NSD1: variants seen among roughly 807,000 people sequenced by gnomAD.
NSD1 encodes the protein nuclear receptor binding SET domain protein 1, also known as histone-lysine N-methyltransferase, H3 lysine-36 specific.
In NSD1, 26 loss-of-function variants were observed where a neutral mutation model predicts 242.7. The ratio of observed to expected loss-of-function variants is 0.11; its 90% CI spans 0.08 to 0.15. The LOEUF (loss-of-function observed/expected upper bound fraction) is 0.15, where lower values mean the gene tolerates loss of function less well. NSD1 is among the 10% of genes least tolerant of loss of function. The pLI is 1.00. For missense variants in NSD1, 2,495 were observed against 3,272.8 expected (o/e 0.76, Z 5.80); for synonymous variants, 1,106 against 1,178.1 (o/e 0.94, Z 1.25).
chr5:177,180,689 T>C (rs916105458), intron 2 of NSD1, among the ~76,000 whole-genome samples: 5 of 152,042 alleles, frequency 3.3e-5, no homozygotes, highest in Non-Finnish European at 7.4e-5. Flanking sequence ...ATTTTATTTA[T>C]TTGTTTATTT....
Position 177,191,933 on chromosome 5 carries a change from T to G in NSD1, c.977T>G (p.Leu326Arg). The G allele has an allele frequency of 6.2e-7, 1 of 1,614,162 alleles. No homozygotes were observed. The highest frequency in any genetic ancestry group is 8.5e-7 in the Non-Finnish European group (1 of 1,179,990). ...STPLKYEVGD[L>R]IWAKFKRRPW... ...CCACTGAAGTATGAAGTTGGAGATC[T>G]CATCTGGGCAAAATTCAAGAGACGC... Residue 326 changes from leucine (L) to arginine (R), a missense_variant, in exon 3 of 23, where the codon CTC becomes CGC. By Grantham distance (102) the Leu-to-Arg change is moderately radical. This residue lies in a region of NSD1 where 65 missense variants were observed against 136.2 expected (regional missense o/e 0.48). Coordinates refer to ENST00000439151, the MANE Select transcript of NSD1 (RefSeq NM_022455.5).
intron 2 of NSD1, among the ~76,000 whole-genome samples, chr5:177,173,466 CTTTTT>C (rs768982432): frequency 8.0e-5 from 5 of 62,172 alleles, no homozygotes; most frequent in East Asian, 5.2e-4. Flanking sequence ...TACTATCTGG[CTTTTT>C]TTTTTTTTTT....
In NSD1 at chr5:177,244,213, C is replaced by A; in HGVS notation, c.4321C>A (p.Leu1441Met). Residue 1441 changes from leucine (L) to methionine (M), a missense_variant, in exon 9 of 23, where the codon CTG becomes ATG. Leu to Met is a conservative substitution (Grantham distance 15). Transcript: ENST00000439151. ...TTTATAGTGCTATGAAGCTGGTCAC[C>A]TGGAGAATGGCATAACTGAATCTTG... ...LSKKCYEAGH[L>M]ENGITESCAT... 3 of 1,613,102 alleles carry A rather than the reference C, an allele frequency of 1.9e-6. No individual in the cohort carries two copies. Among genetic ancestry groups the A allele is most frequent in the Non-Finnish European group, 2.5e-6 (3 of 1,179,356 alleles).
At chr5:177,205,796 T>C (rs1753777085) in intron 4 of NSD1, among the ~76,000 whole-genome samples, 1 of 152,032 alleles carries the variant, frequency 6.6e-6, no homozygotes, top group African/African-American at 2.4e-5. Context: ...TGGTGTTTTA[T>C]ACTCCCCTGG....
Position 177,211,467 on chromosome 5 carries a change from G to A in NSD1, c.3068G>A (p.Arg1023Gln), listed in dbSNP as rs756022347. 5.3e-5 allele frequency: 86 copies of A among 1,613,996 alleles called. No homozygotes were observed. The highest frequency in any genetic ancestry group is 6.7e-5 in the Non-Finnish European group (79 of 1,180,048). The stretch of plus-strand genomic sequence containing the variant: ...TGTGTTACTAGGCGCAACTGTGGAC[G>A]ATCAAAGCCTTCATCCAAATTGCGA... ...SDCVTRRNCGRSKPSSKLRDA... is the reference protein window; with the variant it reads ...SDCVTRRNCGQSKPSSKLRDA... The change falls in exon 5 of 23, where the codon CGA becomes CAA. Residue 1023 changes from arginine to glutamine, a missense_variant. By Grantham distance (43) the Arg-to-Gln change is conservative. Around this residue, in one of 19 missense-constraint regions of NSD1, gnomAD observed 426 missense variants for 411.4 expected, o/e 1.04. Coordinates refer to ENST00000439151, the MANE Select transcript of NSD1 (RefSeq NM_022455.5).
At chr5:177,234,806 CT>C (rs2149882386) in intron 5 of NSD1, among the ~76,000 whole-genome samples, 1 of 151,644 alleles carries the variant, frequency 6.6e-6, no homozygotes, top group Non-Finnish European at 1.5e-5. Context: ...TTTTAAAAAG[CT>C]ATCCCACAGA....
Position 177,211,029 on chromosome 5 carries a change from G to T in NSD1, c.2630G>T (p.Ser877Ile), listed in dbSNP as rs746793939. Reference protein sequence around the residue: ...LSYRSLGEDVSDSGTSKPSKP... With the variant: ...LSYRSLGEDVIDSGTSKPSKP... ...TACAGATCCTTAGGTGAGGATGTCA[G>T]TGACTCTGGAACATCAAAGCCATCA... The change falls in exon 5 of 23, where the codon AGT (serine) becomes ATT (isoleucine). Residue 877 changes from serine to isoleucine, a missense_variant. This residue lies in a region of NSD1 where 121 missense variants were observed against 167.2 expected (regional missense o/e 0.72). Transcript: ENST00000439151. 2.5e-6 allele frequency: 4 copies of T among 1,614,204 alleles called. No homozygotes were observed. The highest frequency in any genetic ancestry group is 1.7e-6 in the Non-Finnish European group (2 of 1,180,022).
chr5:177,141,319 CTTTTTTTTTT>C (rs567992731), intron 2 of NSD1, among the ~76,000 whole-genome samples: 12 of 97,034 alleles, frequency 1.2e-4, no homozygotes, highest in African/African-American at 5.3e-4. Flanking sequence ...CGCGCGCAGC[CTTTTTTTTTT>C]TTTTTTTTTT....
intron 14 of NSD1, chr5:177,264,739 A>G: frequency 1.4e-6 from 1 of 713,794 alleles, no homozygotes; most frequent in Non-Finnish European, 2.6e-6. Context: ...TTTGGCCGAA[A>G]CTGCCATCTT....
Position 177,295,817 on chromosome 5 carries a change from A to G in NSD1, c.*358A>G, listed in dbSNP as rs959728950. 1.1e-5 allele frequency: 5 copies of G among 436,100 alleles called. No homozygotes were observed. The highest frequency in any genetic ancestry group is 2.1e-5 in the Non-Finnish European group (5 of 234,184). 27.0% of individuals were successfully genotyped at this position (436,100 alleles called of 1,614,324 possible). A position where few individuals can be genotyped will look rare whatever the true frequency, so the allele number is the denominator to read the frequency against. The stretch of plus-strand genomic sequence containing the variant: ...GGAAGGTATAGGGGCTCTCAAAGCG[A>G]TTTCCCCAACCAGACAGAGCCCCAT... On this transcript the variant is annotated 3_prime_UTR_variant, in exon 23 of 23. Coordinates refer to ENST00000439151, the MANE Select transcript of NSD1 (RefSeq NM_022455.5). This position sits in a 1 kb window ranked among gnomAD's most constrained non-coding sequence, Gnocchi z 4.3.
At position 177,238,135 on chromosome 5, in the gene NSD1, C is replaced by T; in HGVS notation, c.3922-102C>T. The T allele has an allele frequency of 7.5e-7, 1 of 1,331,468 alleles. No homozygotes were observed. Among genetic ancestry groups the T allele is most frequent in the Non-Finnish European group, 1.1e-6 (1 of 926,638 alleles). 82.5% of individuals were successfully genotyped at this position (1,331,468 alleles called of 1,614,324 possible). ...TTCAAGGTTCATCCACTTTTTGTAG[C>T]CTTTGTCAGAATTTCATTCCTTTTA... is the stretch of plus-strand genomic sequence containing the variant. On this transcript the variant is annotated intron_variant, in intron 6 of 22. Transcript: ENST00000439151. The surrounding 1 kb of genome is among the most constrained non-coding windows in gnomAD (Gnocchi z 4.6).
At chr5:177,254,502 C>T (rs1478654741) in intron 12 of NSD1, among the ~76,000 whole-genome samples, 1 of 152,046 alleles carries the variant, frequency 6.6e-6, no homozygotes, top group Non-Finnish European at 1.5e-5. Flanking sequence ...TGGGTTCAAG[C>T]GATTCTTGTG....
At chr5:177,177,262 C>T (rs1760281978) in intron 2 of NSD1, among the ~76,000 whole-genome samples, 1 of 152,090 alleles carries the variant, frequency 6.6e-6, no homozygotes, top group Admixed American at 6.6e-5. Context: ...TGCCTGTAAT[C>T]CCAGCACTTT....
chr5:177,180,080 T>C (rs1404908047), intron 2 of NSD1, among the ~76,000 whole-genome samples: 1 of 151,376 alleles, frequency 6.6e-6, no homozygotes, highest in African/African-American at 2.4e-5. Flanking sequence ...TTTGTTTTTT[T>C]ATTTTTTATT....
At position 177,204,309 on chromosome 5, in the gene NSD1, G is replaced by T. The variant is rs886038671; in HGVS notation, c.1236+17G>T. 4 of 1,609,444 alleles carry T rather than the reference G, an allele frequency of 2.5e-6. No individual in the cohort carries two copies. Among genetic ancestry groups the T allele is most frequent in the Admixed American group, 1.7e-5 (1 of 59,946 alleles). On this transcript the variant is annotated intron_variant, in intron 4 of 22. Transcript: ENST00000439151. ...AGGCATAAGGTAGGAAACGAAAAAG[G>T]CTTTTTATTGAGTGACAGAAGCAAG...
intron 2 of NSD1, among the ~76,000 whole-genome samples, chr5:177,175,118 G>T (rs559437641): frequency 6.5e-4 from 98 of 150,730 alleles, no homozygotes; most frequent in African/African-American, 1.6e-3. Flanking sequence ...TGATCCACTC[G>T]CCTCAGCCTC....
intron 2 of NSD1, among the ~76,000 whole-genome samples, chr5:177,149,596 G>A (rs1201423410): frequency 5.3e-5 from 8 of 152,128 alleles, no homozygotes. Context: ...CTGGGAAACA[G>A]TTTTTCCACA....
At chr5:177,156,302 T>G (rs1758132869) in intron 2 of NSD1, among the ~76,000 whole-genome samples, 1 of 147,854 alleles carries the variant, frequency 6.8e-6, no homozygotes, top group South Asian at 2.2e-4. Context: ...TGCCTCAGCC[T>G]CCTGAGTGGC....
chr5:177,205,872 A>G (rs1049109367), intron 4 of NSD1, among the ~76,000 whole-genome samples: 1 of 152,134 alleles, frequency 6.6e-6, no homozygotes, highest in African/African-American at 2.4e-5. Context: ...TGTTCATGCT[A>G]GAGTGCTGTT....
Sources: gnomAD v4.1 joint callset for allele counts (sites outside exome capture counted in the v4.1 genomes callset) on GRCh38, gnomAD v4.1.1 for gene constraint, gnomAD v4.1.1 regional missense constraint, Gnocchi (gnomAD v3.1) non-coding constraint, MANE v1.5 for transcripts, NCBI Gene and HGNC (gene_info 2026-07-23, HGNC 2026-07-21) for gene names.